The following TRIM66 variants were observed in gnomAD, a reference collection of about 807,000 sequenced individuals.
The protein encoded by TRIM66 is tripartite motif containing 66.
A neutral mutation model predicts 148.2 loss-of-function variants in TRIM66; 99 were observed. That is an observed-to-expected ratio of 0.67 (90% CI 0.57 to 0.79). The LOEUF is 0.79. Ranked by LOEUF, TRIM66 falls within the 30% of genes least tolerant of loss-of-function variation. The probability of loss-of-function intolerance (pLI) is 0.00; values close to 1 mark genes in which losing one functional copy is unlikely to be tolerated. For missense variants in TRIM66, 1,666 were observed against 1,697.9 expected, an observed-to-expected ratio of 0.98 and a Z score of 0.33; for synonymous variants, 616 against 635.9, an observed-to-expected ratio of 0.97 and a Z score of 0.47.
intron 6 of TRIM66, among the ~76,000 whole-genome samples, chr11:8,667,808 C>A (rs1183482286): frequency 1.3e-5 from 2 of 152,210 alleles, no homozygotes; most frequent in East Asian, 3.8e-4. Context: ...TTTATCCATT[C>A]ATCTGTTGAT....
chr11:8,664,564 A>G (rs2038469861), intron 6 of TRIM66, among the ~76,000 whole-genome samples: 1 of 152,216 alleles, frequency 6.6e-6, no homozygotes. Flanking sequence ...TGTGAAGTTT[A>G]CAAAAGATAA....
At chr11:8,681,886 T>C (rs766005649) in intron 1 of TRIM66, among the ~76,000 whole-genome samples, 59 of 152,162 alleles carry the variant, frequency 3.9e-4, no homozygotes, top group Non-Finnish European at 7.5e-4. Flanking sequence ...GCGTGTTATG[T>C]AGATTCTGGA....
chr11:8,634,227 G>A (rs1158248062), intron 15 of TRIM66, among the ~76,000 whole-genome samples: 6 of 152,150 alleles, frequency 3.9e-5, no homozygotes, highest in African/African-American at 7.2e-5. Context: ...GTGCAGTGGC[G>A]CAATCTCGGC....
chr11:8,643,232 T>A, intron 12 of TRIM66, 106 bp from the exon 13 acceptor site: 1 of 867,954 alleles, frequency 1.2e-6, no homozygotes, highest in Non-Finnish European at 1.8e-6. Context: ...TCATGGCCCT[T>A]TAACCTCTGG....
At chr11:8,622,365 C>CACACACACACACACACACATATAT in intron 18 of TRIM66, among the ~76,000 whole-genome samples, 1 of 59,576 alleles carries the variant, frequency 1.7e-5, no homozygotes, top group African/African-American at 5.6e-5. Flanking sequence ...CACACACACA[C>CACACACACACACACACACATATAT]ATATATATAT....
intron 20 of TRIM66, 82 bp downstream of exon 20, chr11:8,620,950 C>A: frequency 6.8e-7 from 1 of 1,478,260 alleles, no homozygotes. Flanking sequence ...ATCCTGGGAG[C>A]TCTGTGGGCC....
Position 8,616,487 on chromosome 11 carries a change from CT to C in TRIM66, c.*1456del, listed in dbSNP as rs2033729341. The stretch of plus-strand genomic sequence containing the variant: ...GGCCACTGACATGTCAGGTTCATAG[CT>C]CCCCCAACAATATGAGCAATGGGTT... On this transcript the variant is annotated 3_prime_UTR_variant, in exon 25 of 25. Coordinates refer to ENST00000646038, the MANE Select transcript of TRIM66 (RefSeq NM_001388022.1). The C allele has an allele frequency of 6.6e-6, 1 of 152,188 alleles. No homozygotes were observed. Among genetic ancestry groups the C allele is most frequent in the South Asian group, 2.1e-4 (1 of 4,834 alleles). The allele number at this position is 152,188 out of a possible 1,614,324, so 9.4% of individuals were successfully genotyped here. A position where few individuals can be genotyped will look rare whatever the true frequency, so the allele number is the denominator to read the frequency against.
chr11:8,675,643 A>C (rs2039142627), intron 3 of TRIM66, among the ~76,000 whole-genome samples: 1 of 152,160 alleles, frequency 6.6e-6, no homozygotes, highest in Non-Finnish European at 1.5e-5. Context: ...TGGCCTCCCA[A>C]AGTGCTGGGA....
upstream of TRIM66, chr11:8,682,673 A>G (rs1008628912): frequency 3.3e-6 from 3 of 917,770 alleles, no homozygotes; most frequent in African/African-American, 5.0e-5. Context: ...AGCGACTAGC[A>G]GGCGCGCAAT....
Position 8,624,656 on chromosome 11 carries a change from A to C in TRIM66, c.2826+57T>G, listed in dbSNP as rs934160522. Reference sequence around the variant, plus strand: ...GGTCAGAATAAGGGTCCCAGTGGCCAATCTTTTGCCCAATGATGAACAAAG... The same window carrying C: ...GGTCAGAATAAGGGTCCCAGTGGCCCATCTTTTGCCCAATGATGAACAAAG... On this transcript the variant is annotated intron_variant, in intron 16 of 24. Transcript: ENST00000646038. 12 of 1,475,172 alleles carry C rather than the reference A, an allele frequency of 8.1e-6. No homozygotes were observed. The African/African-American group carries it at 1.7e-4, about 21-fold the overall frequency. The allele number at this position is 1,475,172 out of a possible 1,614,324, so 91.4% of individuals were successfully genotyped here.
chr11:8,665,479 G>A (rs1233194534), intron 6 of TRIM66, among the ~76,000 whole-genome samples: 1 of 152,200 alleles, frequency 6.6e-6, no homozygotes. Flanking sequence ...ATTATCACCT[G>A]TTTATTTGGC....
intron 4 of TRIM66, 72 bp from the exon 5 acceptor site, chr11:8,672,457 G>A (rs995719122): frequency 4.3e-6 from 6 of 1,392,926 alleles, no homozygotes; most frequent in African/African-American, 1.5e-5. Flanking sequence ...TTTACATACT[G>A]TATTTCAAAG....
In TRIM66 at chr11:8,672,238, A is replaced by G; in HGVS notation, c.27+10T>C. On this transcript the variant is annotated intron_variant, in intron 5 of 24. Coordinates refer to ENST00000646038, the MANE Select transcript of TRIM66 (RefSeq NM_001388022.1). Reference sequence around the variant, plus strand: ...AGCTGGAGGCTCATGCCTCAGCCTCAGTTCCTCACCTGGGACCAAAAAGAG... The same window carrying G: ...AGCTGGAGGCTCATGCCTCAGCCTCGGTTCCTCACCTGGGACCAAAAAGAG... The G allele has an allele frequency of 6.5e-7, 1 of 1,536,172 alleles. No homozygotes were observed. The highest frequency in any genetic ancestry group is 1.2e-5 in the South Asian group (1 of 84,066).
intron 7 of TRIM66, 61 bp from the exon 8 acceptor site, chr11:8,649,948 T>C (rs2037212449): frequency 6.6e-7 from 1 of 1,518,214 alleles, no homozygotes; most frequent in Non-Finnish European, 8.9e-7. Flanking sequence ...CCTCCACAAG[T>C]GGTAAATGCT....
Position 8,612,939 on chromosome 11 carries a change from A to C in TRIM66, c.*5005T>G, listed in dbSNP as rs1437634152. On this transcript the variant is annotated 3_prime_UTR_variant, in exon 25 of 25. Transcript: ENST00000646038. The stretch of plus-strand genomic sequence containing the variant: ...CTGCGGCCTGGATGCTGTAAAACCT[A>C]ATCCACACCCTTGGGCTGACTTAGA... 1 of 152,238 alleles carries C rather than the reference A, an allele frequency of 6.6e-6. No individual in the cohort carries two copies. The highest frequency in any genetic ancestry group is 2.4e-5 in the African/African-American group (1 of 41,422). 9.4% of individuals were successfully genotyped at this position (152,238 alleles called of 1,614,324 possible). A position where few individuals can be genotyped will look rare whatever the true frequency, so the allele number is the denominator to read the frequency against.
At position 8,616,437 on chromosome 11, in the gene TRIM66, G is replaced by A. The variant is rs1412301450; in HGVS notation, c.*1507C>T. On this transcript the variant is annotated 3_prime_UTR_variant, in exon 25 of 25. Coordinates refer to ENST00000646038, the MANE Select transcript of TRIM66 (RefSeq NM_001388022.1). Reference sequence around the variant, plus strand: ...CCTGAAATTAGCCATGCAATGACAGGACCAGGGAGAGCTGTCTCAGTCCTG... The same window carrying A: ...CCTGAAATTAGCCATGCAATGACAGAACCAGGGAGAGCTGTCTCAGTCCTG... The A allele has an allele frequency of 2.0e-5, 3 of 152,168 alleles. No individual in the cohort carries two copies. The highest frequency in any genetic ancestry group is 7.2e-5 in the African/African-American group (3 of 41,438). 9.4% of individuals were successfully genotyped at this position (152,168 alleles called of 1,614,324 possible).
rs2036263050 is a variant in TRIM66, at chr11:8,640,431, C to G, written c.1944G>C (p.Gln648His). The G allele has an allele frequency of 6.4e-7, 1 of 1,551,384 alleles. No individual in the cohort carries two copies. The highest frequency in any genetic ancestry group is 2.0e-5 in the Admixed American group (1 of 50,892). ...ACTTGTGATGCATTATGTCCATGTT[C>G]TGAGAACAGGCAGGGCCAGGAGGGC... ...HESPPGPACS[Q>H]NMDIMHHKFE... is the part of the protein sequence containing the mutation. Residue 648 changes from glutamine to histidine, a missense_variant, in exon 14 of 25, where the codon CAG becomes CAC. This residue lies in a region of TRIM66 where 1,431 missense variants were observed against 1,412.4 expected (regional missense o/e 1.01). Coordinates refer to ENST00000646038, the MANE Select transcript of TRIM66 (RefSeq NM_001388022.1).
At chr11:8,651,948 T>C in intron 6 of TRIM66, 45 bp from the exon 7 acceptor site, 1 of 1,478,992 alleles carries the variant, frequency 6.8e-7, no homozygotes. Flanking sequence ...ACATGGCTGA[T>C]TATAACTAAG....
chr11:8,648,074 A>G lies in TRIM66; in HGVS notation c.738T>C (p.Val246=). The G allele has an allele frequency of 6.4e-7, 1 of 1,551,674 alleles. No homozygotes were observed. Among genetic ancestry groups the G allele is most frequent in the South Asian group, 1.2e-5 (1 of 84,060 alleles). ...VEHKEHRCRH[V]EEVLQNQRML... Reference sequence around the variant, plus strand: ...TCCTCTGGTTTTGCAAAACTTCTTCAACATGTCTGCACCTAGGGGATGAGG... The same window carrying G: ...TCCTCTGGTTTTGCAAAACTTCTTCGACATGTCTGCACCTAGGGGATGAGG... The change falls in exon 10 of 25, where the codon GTT becomes GTC. Residue 246 remains valine, a synonymous_variant. Transcript: ENST00000646038.
Sources: allele counts gnomAD v4.1 joint callset (sites outside exome capture counted in the v4.1 genomes callset), GRCh38; gene constraint gnomAD v4.1.1; regional missense constraint gnomAD v4.1.1; transcripts MANE v1.5; gene names NCBI Gene and HGNC (gene_info 2026-07-23, HGNC 2026-07-21).